Variants in CDH12 observed in about 807,000 individuals in gnomAD.
CDH12 encodes the protein cadherin 12.
A neutral mutation model predicts 74.1 loss-of-function variants in CDH12; 41 were observed. That is an observed-to-expected ratio of 0.55 (90% CI 0.43 to 0.72). The LOEUF (loss-of-function observed/expected upper bound fraction) is 0.72, where lower values mean the gene tolerates loss of function less well. Ranked by LOEUF, CDH12 falls within the 30% of genes least tolerant of loss-of-function variation. CDH12 has a pLI of 0.00. For missense variants in CDH12, 945 were observed against 977.2 expected, an observed-to-expected ratio of 0.97 and a Z score of 0.44; for synonymous variants, 399 against 355.0, an observed-to-expected ratio of 1.12 and a Z score of -1.39.
intron 5 of CDH12, among the ~76,000 whole-genome samples, chr5:21,986,302 T>A (rs1757512611): frequency 6.6e-6 from 1 of 152,214 alleles, no homozygotes. Flanking sequence ...ATTCCCCCAA[T>A]GCTGTCTTTT....
intron 4 of CDH12, among the ~76,000 whole-genome samples, chr5:22,211,121 C>T (rs1751509589): frequency 6.6e-6 from 1 of 152,036 alleles, no homozygotes; most frequent in Admixed American, 6.6e-5. Context: ...GAATGATAGC[C>T]AATTATTAGA....
At chr5:22,075,152 C>T (rs1215026488) in intron 5 of CDH12, among the ~76,000 whole-genome samples, 4 of 151,908 alleles carry the variant, frequency 2.6e-5, no homozygotes, top group Non-Finnish European at 4.4e-5. Context: ...GAGTTCATGT[C>T]CTTTGTAGGG....
intron 1 of CDH12, among the ~76,000 whole-genome samples, chr5:22,757,050 G>T (rs1379559408): frequency 6.6e-6 from 1 of 152,102 alleles, no homozygotes; most frequent in African/African-American, 2.4e-5. Context: ...TTCCTCAATA[G>T]GGATTTAGGT....
intron 3 of CDH12, among the ~76,000 whole-genome samples, chr5:22,233,540 A>G (rs1281952248): frequency 6.6e-6 from 1 of 152,166 alleles, no homozygotes. Context: ...CAGTAAGTCA[A>G]TGTTACTGCT....
rs148616269 is a variant in CDH12 at position 22,636,725 on chromosome 5, T to G, written c.-522-131361A>C. 4.8e-3 allele frequency among the ~76,000 whole-genome samples: 727 copies of G among 152,316 alleles called. 5 individuals are homozygous for G. The highest frequency in any genetic ancestry group is 0.016 in the African/African-American group (684 of 41,586). On this transcript the variant is annotated intron_variant, in intron 1 of 14. Coordinates refer to ENST00000382254, the MANE Select transcript of CDH12 (RefSeq NM_004061.5). ...GGCAGAGGAAAGGGTGATGAAAATA[T>G]TTTTAACTTAGTTTTTGCTTACGGT...
intron 1 of CDH12, among the ~76,000 whole-genome samples, chr5:22,710,398 A>G (rs941656967): frequency 2.0e-5 from 3 of 152,160 alleles, no homozygotes; most frequent in African/African-American, 7.2e-5. Flanking sequence ...CAGATTATAA[A>G]ACAGAAAAAA....
intron 3 of CDH12, among the ~76,000 whole-genome samples, chr5:22,289,215 G>C (rs895263153): frequency 1.3e-5 from 2 of 152,046 alleles, no homozygotes; most frequent in Non-Finnish European, 2.9e-5. Context: ...CAAACAAGTC[G>C]TAATACCCTG....
chr5:22,628,089 C>T (rs1199603117), intron 1 of CDH12, among the ~76,000 whole-genome samples: 1 of 152,026 alleles, frequency 6.6e-6, no homozygotes, highest in Non-Finnish European at 1.5e-5. Flanking sequence ...CAAAGGAGCA[C>T]CAAGATTCAT....
intron 1 of CDH12, among the ~76,000 whole-genome samples, chr5:22,744,974 G>T (rs1745218623): frequency 6.6e-6 from 1 of 151,450 alleles, no homozygotes; most frequent in African/African-American, 2.4e-5. Context: ...AAAAGAACCT[G>T]ACATATAATT....
chr5:21,787,169 G>A (rs1050859283), intron 10 of CDH12, among the ~76,000 whole-genome samples: 9 of 152,274 alleles, frequency 5.9e-5, no homozygotes, highest in African/African-American at 1.7e-4. Flanking sequence ...AATTTTGAAA[G>A]GAGTTCCATT....
intron 4 of CDH12, among the ~76,000 whole-genome samples, chr5:22,088,950 TA>T (rs1554008697): frequency 6.6e-6 from 1 of 152,222 alleles, no homozygotes; most frequent in South Asian, 2.1e-4. Flanking sequence ...AGGGCTTAAA[TA>T]AAACTTCATA....
chr5:22,129,109 T>C (rs1203723003), intron 4 of CDH12, among the ~76,000 whole-genome samples: 1 of 152,166 alleles, frequency 6.6e-6, no homozygotes, highest in Non-Finnish European at 1.5e-5. Context: ...GGAACAAAGA[T>C]TGTCATGAAC....
intron 2 of CDH12, among the ~76,000 whole-genome samples, chr5:22,435,514 G>GTA: frequency 8.0e-6 from 1 of 125,252 alleles, no homozygotes; most frequent in Admixed American, 9.9e-5. Flanking sequence ...GTGTGTGTGT[G>GTA]TGTGTGTGTG....
intron 1 of CDH12, among the ~76,000 whole-genome samples, chr5:22,600,348 T>C (rs1736798934): frequency 6.6e-6 from 1 of 152,190 alleles, no homozygotes; most frequent in South Asian, 2.1e-4. Context: ...GAAAGGTAAC[T>C]ACTGTACTAA....
intron 11 of CDH12, among the ~76,000 whole-genome samples, chr5:21,782,319 T>A (rs895151867): frequency 6.6e-6 from 1 of 152,128 alleles, no homozygotes; most frequent in Non-Finnish European, 1.5e-5. Context: ...CTTTTAATAA[T>A]CAAAATAAAC....
chr5:21,976,804 G>A (rs1757089961), intron 5 of CDH12, among the ~76,000 whole-genome samples: 1 of 151,962 alleles, frequency 6.6e-6, no homozygotes, highest in Admixed American at 6.6e-5. Flanking sequence ...GCTTAAGAAT[G>A]AGTTCTGTTT....
intron 1 of CDH12, among the ~76,000 whole-genome samples, chr5:22,724,875 T>A (rs543677563): frequency 1.9e-4 from 29 of 151,930 alleles, no homozygotes; most frequent in African/African-American, 5.8e-4. Flanking sequence ...ACTTTTAATT[T>A]AAAAAATTTC....
intron 5 of CDH12, among the ~76,000 whole-genome samples, chr5:22,063,349 T>C (rs972931243): frequency 6.6e-6 from 1 of 152,158 alleles, no homozygotes; most frequent in Non-Finnish European, 1.5e-5. Context: ...TCCTGGTTTC[T>C]CCTGGATTTT....
At chr5:22,213,434 A>C (rs1751660443) in intron 3 of CDH12, 1 of 152,018 alleles carries the variant, frequency 6.6e-6, no homozygotes, top group South Asian at 2.1e-4. Context: ...ACTACACCTA[A>C]CCGAATCATC....
Sources: allele counts gnomAD v4.1 joint callset (sites outside exome capture counted in the v4.1 genomes callset), GRCh38; gene constraint gnomAD v4.1.1; transcripts MANE v1.5; gene names NCBI Gene and HGNC (gene_info 2026-07-23, HGNC 2026-07-21).